The following COL4A5 variants were observed in gnomAD, a reference collection of about 807,000 sequenced individuals.
COL4A5 encodes the protein collagen alpha-5(IV) chain.
In COL4A5, 26 loss-of-function variants were observed where a neutral mutation model predicts 130.2. The observed-to-expected ratio is 0.20, with a 90% CI of 0.15 to 0.28. The LOEUF (loss-of-function observed/expected upper bound fraction) is 0.28, where lower values mean the gene tolerates loss of function less well. Among genes scored for constraint, COL4A5 ranks in the 10% least tolerant of loss-of-function variants. COL4A5 has a pLI of 1.00. For missense variants in COL4A5, 1,131 were observed against 1,344.3 expected (o/e 0.84, Z 2.48); for synonymous variants, 496 against 439.6 (o/e 1.13, Z -1.60).
intron 1 of COL4A5, among the ~76,000 whole-genome samples, chrX:108,465,056 A>G (rs1223006580): frequency 9.0e-6 from 1 of 111,622 alleles, no homozygotes; most frequent in Admixed American, 9.6e-5. Flanking sequence ...TTCCCAGTAA[A>G]TCTTTCCCTA....
At chrX:108,546,615 T>C (rs1435709741) in intron 2 of COL4A5, among the ~76,000 whole-genome samples, 1 of 110,980 alleles carries the variant, frequency 9.0e-6, no homozygotes. Context: ...AGGAGTATCT[T>C]TGTGGCGTTC....
At chrX:108,550,924 G>T (rs1020082712) in intron 2 of COL4A5, among the ~76,000 whole-genome samples, 6 of 111,281 alleles carry the variant, frequency 5.4e-5, no homozygotes, top group Non-Finnish European at 5.7e-5. Context: ...ATGGTGCTGT[G>T]ATAACTGACT....
chrX:108,534,724 T>C (rs2065432765), intron 1 of COL4A5, among the ~76,000 whole-genome samples: 1 of 111,699 alleles, frequency 9.0e-6, no homozygotes, highest in South Asian at 3.7e-4. Flanking sequence ...GAAGGCGGTC[T>C]GTCTTGTCTT....
chrX:108,483,678 T>C (rs918749768), intron 1 of COL4A5, among the ~76,000 whole-genome samples: 2 of 112,073 alleles, frequency 1.8e-5, no homozygotes, highest in African/African-American at 6.5e-5. Flanking sequence ...CTATCTTGTT[T>C]TTTGAGGATC....
chrX:108,546,130 T>G (rs2065648296), intron 2 of COL4A5, among the ~76,000 whole-genome samples: 2 of 111,408 alleles, frequency 1.8e-5, no homozygotes, highest in South Asian at 7.5e-4. Flanking sequence ...TATTGTTATG[T>G]GTGAATTTGA....
At position 108,668,569 on chromosome X, in the gene COL4A5, G is replaced by T. The variant is rs1473422427; in HGVS notation, c.3790+65G>T. 1.1e-5 allele frequency: 10 copies of T among 930,820 alleles called. No individual in the cohort carries two copies. The South Asian group carries it at 3.4e-4, about 32-fold the overall frequency. 76.7% of individuals were successfully genotyped at this position (930,820 alleles called of 1,213,427 possible). A position where few individuals can be genotyped will look rare whatever the true frequency, so the allele number is the denominator to read the frequency against. ...TCCATGTATTTCGTTTTGCTGGCAG[G>T]TTATTCAGTCTTTAAGACTTTAGAA... On this transcript the variant is annotated intron_variant, in intron 41 of 52. Transcript: ENST00000328300.
chrX:108,591,755 C>T (rs1387084725), intron 21 of COL4A5, 111 bp downstream of exon 21: 1 of 597,347 alleles, frequency 1.7e-6, no homozygotes, highest in Non-Finnish European at 2.8e-6. Flanking sequence ...ATGGTCATAC[C>T]CCAAGACCAT....
In COL4A5 at chrX:108,581,151, AATT is replaced by A. The variant is rs772876817; in HGVS notation, c.936+127_936+129del. 5.0e-6 allele frequency: 3 copies of A among 602,954 alleles called. No individual in the cohort carries two copies. The African/African-American group carries it at 6.8e-5, about 14-fold the overall frequency. 49.7% of individuals were successfully genotyped at this position (602,954 alleles called of 1,213,427 possible). ...TCTGGAAATAGTTTAAATGAATTGAAATTATCCAGTCTTTGTCTTTTGAATATA... is the reference window on the plus strand; with the variant it reads ...TCTGGAAATAGTTTAAATGAATTGAAATCCAGTCTTTGTCTTTTGAATATA... On this transcript the variant is annotated intron_variant, in intron 16 of 52. Coordinates refer to ENST00000328300, the MANE Select transcript of COL4A5 (RefSeq NM_033380.3).
chrX:108,465,457 A>G (rs2064696932), intron 1 of COL4A5, among the ~76,000 whole-genome samples: 1 of 111,683 alleles, frequency 9.0e-6, no homozygotes, highest in Non-Finnish European at 1.9e-5. Flanking sequence ...CCTTCTTATA[A>G]TTGTAAGAGT....
chrX:108,577,539 T>C (rs1410605661), intron 10 of COL4A5, among the ~76,000 whole-genome samples: 1 of 111,436 alleles, frequency 9.0e-6, no homozygotes, highest in East Asian at 2.8e-4. Context: ...AGTCATATTG[T>C]ATAAAAATCA....
intron 49 of COL4A5, chrX:108,689,879 T>A: frequency 1.3e-6 from 1 of 754,451 alleles, no homozygotes; most frequent in Non-Finnish European, 1.6e-6. Context: ...ATTGGGAGTA[T>A]ATGGGATCAC....
At chrX:108,575,577 C>T (rs891238781) in intron 9 of COL4A5, among the ~76,000 whole-genome samples, 1 of 112,089 alleles carries the variant, frequency 8.9e-6, no homozygotes, top group Non-Finnish European at 1.9e-5. Flanking sequence ...ATTAGGGGGC[C>T]GGGCACAGTG....
chrX:108,668,519 G>T lies in COL4A5; in HGVS notation c.3790+15G>T. On this transcript the variant is annotated intron_variant, in intron 41 of 52. Coordinates refer to ENST00000328300, the MANE Select transcript of COL4A5 (RefSeq NM_033380.3). ...TGGGAGACCAGGTATGTCCGTGAGT[G>T]GTAGGAGAATGGTCTATTTATTAGT... 1 of 1,136,955 alleles carries T rather than the reference G, an allele frequency of 8.8e-7. No individual in the cohort carries two copies. The highest frequency in any genetic ancestry group is 1.2e-6 in the Non-Finnish European group (1 of 856,090). The allele number at this position is 1,136,955 out of a possible 1,213,427, so 93.7% of individuals were successfully genotyped here. A position where few individuals can be genotyped will look rare whatever the true frequency, so the allele number is the denominator to read the frequency against.
chrX:108,517,946 G>A (rs767835611), intron 1 of COL4A5, among the ~76,000 whole-genome samples: 2 of 109,465 alleles, frequency 1.8e-5, no homozygotes, highest in African/African-American at 6.6e-5. Flanking sequence ...TGTCCTTATT[G>A]GGTTTTAAAG....
At chrX:108,475,953 G>A (rs1471152216) in intron 1 of COL4A5, among the ~76,000 whole-genome samples, 1 of 111,465 alleles carries the variant, frequency 9.0e-6, no homozygotes, top group African/African-American at 3.3e-5. Context: ...TTTCATTTAA[G>A]GGTCTATAGA....
intron 1 of COL4A5, among the ~76,000 whole-genome samples, chrX:108,528,347 T>C (rs1159869675): frequency 8.9e-6 from 1 of 112,195 alleles, no homozygotes; most frequent in Non-Finnish European, 1.9e-5. Context: ...ACACAGCCAA[T>C]ATCTTAGATA....
intron 1 of COL4A5, among the ~76,000 whole-genome samples, chrX:108,456,620 C>CT (rs1179860221): frequency 2.7e-5 from 3 of 109,951 alleles, no homozygotes; most frequent in African/African-American, 6.6e-5. Context: ...TAAAGAATGA[C>CT]TTTTTTTTTG....
intron 1 of COL4A5, among the ~76,000 whole-genome samples, chrX:108,507,167 G>A (rs1377418257): frequency 9.5e-6 from 1 of 105,723 alleles, no homozygotes; most frequent in Non-Finnish European, 1.9e-5. Flanking sequence ...AATTTGAGGA[G>A]GAGGGACTCC....
At chrX:108,585,603 A>T (rs28578511) in intron 18 of COL4A5, among the ~76,000 whole-genome samples, 27,258 of 110,414 alleles carry the variant, frequency 0.25, 2,810 homozygotes, top group East Asian at 0.57. Context: ...TAGAGACAGG[A>T]TGAAATATCA....
Sources: allele counts gnomAD v4.1 joint callset (sites outside exome capture counted in the v4.1 genomes callset), GRCh38; gene constraint gnomAD v4.1.1; transcripts MANE v1.5; gene names NCBI Gene and HGNC (gene_info 2026-07-23, HGNC 2026-07-21).